The following DPF2 variants were observed in gnomAD, a reference collection of about 807,000 sequenced individuals.
DPF2 encodes the protein zinc finger protein ubi-d4.
A neutral mutation model predicts 59.6 loss-of-function variants in DPF2; 10 were observed. That is an observed-to-expected ratio of 0.17 (90% CI 0.10 to 0.28). The LOEUF (loss-of-function observed/expected upper bound fraction) is 0.28, where lower values mean the gene tolerates loss of function less well. Among genes scored for constraint, DPF2 ranks in the 10% least tolerant of loss-of-function variants. DPF2 has a pLI of 1.00. For missense variants in DPF2, 315 were observed against 509.4 expected, an observed-to-expected ratio of 0.62 and a Z score of 3.67; for synonymous variants, 189 against 190.6, an observed-to-expected ratio of 0.99 and a Z score of 0.07.
chr11:65,339,059 A>G (rs149780932), intron 1 of DPF2, among the ~76,000 whole-genome samples: 49 of 152,296 alleles, frequency 3.2e-4, no homozygotes, highest in African/African-American at 1.2e-3. Flanking sequence ...TATCTCAGAC[A>G]TCGTCATGAG....
At chr11:65,342,856 C>G (rs144367702) in intron 4 of DPF2, among the ~76,000 whole-genome samples, 3,564 of 150,016 alleles carry the variant, frequency 0.024, 63 homozygotes, top group Non-Finnish European at 0.04. Flanking sequence ...ACTAAAAATA[C>G]AAAAAAAATT....
intron 1 of DPF2, among the ~76,000 whole-genome samples, chr11:65,337,319 G>A (rs1436985791): frequency 2.0e-5 from 3 of 150,660 alleles, no homozygotes; most frequent in Non-Finnish European, 4.4e-5. Context: ...GCGTGGTGGC[G>A]CATGCCACTC....
chr11:65,345,866 T>A (rs1263131602), intron 7 of DPF2, 63 bp downstream of exon 7: 2 of 1,613,336 alleles, frequency 1.2e-6, no homozygotes, highest in Non-Finnish European at 1.7e-6. Flanking sequence ...AAACCACTCC[T>A]TGCATGGGTG....
chr11:65,341,602 A>T, intron 4 of DPF2, 40 bp downstream of exon 4: 1 of 1,608,114 alleles, frequency 6.2e-7, no homozygotes, highest in Non-Finnish European at 8.5e-7. Flanking sequence ...CTTTGATGGA[A>T]ATCAGCCTCC....
chr11:65,346,191 T>G (rs1178286510), intron 8 of DPF2, 56 bp from the exon 9 acceptor site: 5 of 1,600,914 alleles, frequency 3.1e-6, no homozygotes, highest in Non-Finnish European at 4.3e-6. Flanking sequence ...AGGCAGGAGC[T>G]CCTCTCTTCC....
At chr11:65,344,362 G>C in intron 6 of DPF2, 1 of 616,108 alleles carries the variant, frequency 1.6e-6, no homozygotes, top group Non-Finnish European at 2.8e-6. Context: ...AGGTCTCCTG[G>C]CCTCAGTTAA....
Position 65,344,722 on chromosome 11 carries a change from A to T in DPF2, c.637+653A>T. The T allele has an allele frequency of 3.8e-6, 5 of 1,311,346 alleles. No individual in the cohort carries two copies. The South Asian group carries it at 6.4e-5, about 17-fold the overall frequency. 81.2% of individuals were successfully genotyped at this position (1,311,346 alleles called of 1,614,324 possible). The stretch of plus-strand genomic sequence containing the variant: ...CATTTCCTGGGATGCTAGCTTTAAA[A>T]TCTCTGGAATGGCATGGGGGTAGGA... On this transcript the variant is annotated intron_variant, in intron 6 of 10. Transcript: ENST00000528416.
At chr11:65,334,970 A>G (rs926528525) in intron 1 of DPF2, among the ~76,000 whole-genome samples, 1 of 152,038 alleles carries the variant, frequency 6.6e-6, no homozygotes, top group African/African-American at 2.4e-5. Flanking sequence ...CACTCTTCCT[A>G]AGAGCCTTTT....
Position 65,351,748 on chromosome 11 carries a change from A to C in DPF2, c.1165A>C (p.Asn389His). Residue 389 changes from asparagine (N) to histidine (H), a missense_variant, in exon 11 of 11, where the codon AAC (asparagine) becomes CAC (histidine). This residue lies in a region of DPF2 where 27 missense variants were observed against 125.8 expected (regional missense o/e 0.21). Transcript: ENST00000528416. ...KEKASIYQNQ[N>H]SS ...GAAAGCTTCCATCTACCAGAACCAG[A>C]ACTCCTCTTGATGTGGCCACCCACC... 6.2e-7 allele frequency: 1 copy of C among 1,613,172 alleles called. No individual in the cohort carries two copies. Among genetic ancestry groups the C allele is most frequent in the Non-Finnish European group, 8.5e-7 (1 of 1,180,038 alleles).
At position 65,343,794 on chromosome 11, in the gene DPF2, A is replaced by C; in HGVS notation, c.515A>C (p.Tyr172Ser). The C allele has an allele frequency of 6.3e-7, 1 of 1,595,856 alleles. No individual in the cohort carries two copies. The highest frequency in any genetic ancestry group is 8.5e-7 in the Non-Finnish European group (1 of 1,171,168). The change falls in exon 5 of 11, where the codon TAT (tyrosine) becomes TCT (serine). Residue 172 changes from tyrosine to serine, a missense_variant. Tyr to Ser is a moderately radical substitution (Grantham distance 144, BLOSUM62 -2). Coordinates refer to ENST00000528416, the MANE Select transcript of DPF2 (RefSeq NM_006268.5). Reference sequence around the variant, plus strand: ...CTGGATGACCTCGATGATGAAGACTATGAAGAAGATACTCCCAAGCGTCGG... The same window carrying C: ...CTGGATGACCTCGATGATGAAGACTCTGAAGAAGATACTCCCAAGCGTCGG... Reference protein sequence around the residue: ...DFLDDLDDEDYEEDTPKRRGK... With the variant: ...DFLDDLDDEDSEEDTPKRRGK...
chr11:65,341,877 A>G (rs891722596), intron 4 of DPF2: 23 of 192,036 alleles, frequency 1.2e-4, no homozygotes, highest in African/African-American at 4.9e-4. Flanking sequence ...TGGGAGGCCA[A>G]GGCAGGAGGA....
Position 65,346,237 on chromosome 11 carries a change from C to G in DPF2, c.905-10C>G, listed in dbSNP as rs1854525760. On this transcript the variant is annotated splice_polypyrimidine_tract_variant and intron_variant, in intron 8 of 10. Transcript: ENST00000528416. The stretch of plus-strand genomic sequence containing the variant: ...CCGACTGTCTGTCTCACTCACTTCC[C>G]CCACTACAGGGCATCCATCTTGCCT... 1 of 1,613,686 alleles carries G rather than the reference C, an allele frequency of 6.2e-7. No individual in the cohort carries two copies. Among genetic ancestry groups the G allele is most frequent in the Non-Finnish European group, 8.5e-7 (1 of 1,179,810 alleles).
intron 10 of DPF2, among the ~76,000 whole-genome samples, chr11:65,349,612 G>A (rs369987104): frequency 9.9e-5 from 15 of 152,218 alleles, no homozygotes; most frequent in East Asian, 7.7e-4. Context: ...TGGCTAACAC[G>A]GTGAAACCCC....
chr11:65,337,452 C>CAA (rs750931920), intron 1 of DPF2, among the ~76,000 whole-genome samples: 238 of 13,516 alleles, frequency 0.018, 45 homozygotes, highest in Non-Finnish European at 0.025. Context: ...GACTCTATCT[C>CAA]AAAAAAAAAA....
Position 65,340,827 on chromosome 11 carries a change from C to T in DPF2, c.194-139C>T, listed in dbSNP as rs1241187820. The stretch of plus-strand genomic sequence containing the variant: ...TTTTTCTTTTCCACAGACTATTCCA[C>T]CTAACCCCCTAGGCCCTCACTGTCA... On this transcript the variant is annotated intron_variant, in intron 2 of 10. Transcript: ENST00000528416. 1.0e-5 allele frequency: 9 copies of T among 903,674 alleles called. No homozygotes were observed. The Admixed American group carries it at 2.5e-4, about 25-fold the overall frequency. 56.0% of individuals were successfully genotyped at this position (903,674 alleles called of 1,614,324 possible).
chr11:65,346,220 C>CT (rs756194613), intron 8 of DPF2, 27 bp from the exon 9 acceptor site: 26 of 1,611,432 alleles, frequency 1.6e-5, no homozygotes, highest in Non-Finnish European at 2.0e-5. Context: ...TTCCGACTGT[C>CT]TGTCTCACTC....
At chr11:65,335,015 C>G (rs1236942577) in intron 1 of DPF2, among the ~76,000 whole-genome samples, 2 of 151,794 alleles carry the variant, frequency 1.3e-5, no homozygotes, top group Non-Finnish European at 2.9e-5. Context: ...CTGCCTGAAG[C>G]CTTTTCTTTG....
chr11:65,345,538 C>T (rs1854502349), intron 6 of DPF2, 128 bp from the exon 7 acceptor site: 2 of 1,358,484 alleles, frequency 1.5e-6, no homozygotes, highest in South Asian at 2.6e-5. Flanking sequence ...AGGCCTGTCC[C>T]AGAGTGGAGC....
chr11:65,346,656 T>C (rs1854540421), intron 9 of DPF2: 1 of 291,148 alleles, frequency 3.4e-6, no homozygotes, highest in Admixed American at 4.9e-5. Context: ...AAATGAGATT[T>C]GTATAATGTG....
Sources: allele counts gnomAD v4.1 joint callset (sites outside exome capture counted in the v4.1 genomes callset), GRCh38; gene constraint gnomAD v4.1.1; regional missense constraint gnomAD v4.1.1; transcripts MANE v1.5; gene names NCBI Gene and HGNC (gene_info 2026-07-23, HGNC 2026-07-21).